EP400: variants seen among roughly 807,000 people sequenced by gnomAD.
EP400 encodes the protein E1A-binding protein p400.
In EP400, 105 loss-of-function variants were observed where a neutral mutation model predicts 354.1. The ratio of observed to expected loss-of-function variants is 0.30; its 90% confidence interval spans 0.25 to 0.35. The LOEUF (loss-of-function observed/expected upper bound fraction) is 0.35, where lower values mean the gene tolerates loss of function less well. EP400 is among the 10% of genes least tolerant of loss of function. The pLI is 1.00. For synonymous variants in EP400, 1,646 were observed against 1,716.9 expected (o/e 0.96, Z 1.02); for missense variants, 3,280 against 4,121.0 (o/e 0.80, Z 5.59).
rs552161655 is a variant in EP400 at position 131,961,834 on chromosome 12, T to C, written c.1215T>C (p.Ala405=). The change falls in exon 2 of 53, where the codon GCT becomes GCC. Residue 405 remains alanine, a synonymous_variant. Coordinates refer to ENST00000389561, the MANE Select transcript of EP400 (RefSeq NM_015409.5). The stretch of plus-strand genomic sequence containing the variant: ...AAGGGAACATGATGGATTTCTTAGC[T>C]TTCAAGAAGAAACATTATGCCCCAT... ...HFQGNMMDFL[A]FKKKHYAPLQ... is the part of the protein sequence containing the mutation. 22 of 1,614,180 alleles carry C rather than the reference T, an allele frequency of 1.4e-5. No individual in the cohort carries two copies. The African/African-American group carries it at 1.9e-4, about 14-fold the overall frequency.
chr12:131,975,390 A>G (rs1892437190), intron 2 of EP400, among the ~76,000 whole-genome samples: 2 of 152,018 alleles, frequency 1.3e-5, no homozygotes, highest in African/African-American at 4.8e-5. Flanking sequence ...CGTGGGTCTG[A>G]TTCTTGGTGC....
In EP400 at chr12:132,000,641, T is replaced by G. The variant is rs1593337710; in HGVS notation, c.2828-4436T>G. ...TATGTATTTTGAGACTATGTTAGTA[T>G]GTGCATATATAGGTTTAGAATTGTT... On this transcript the variant is annotated intron_variant, in intron 12 of 52. Coordinates refer to ENST00000389561, the MANE Select transcript of EP400 (RefSeq NM_015409.5). Among the ~76,000 whole-genome samples, 3 of 152,378 alleles carry G rather than the reference T, an allele frequency of 2.0e-5. No homozygotes were observed. In the East Asian group the frequency reaches 5.8e-4, roughly 29 times the overall value.
At chr12:131,956,415 T>G (rs1336666923) in intron 1 of EP400, among the ~76,000 whole-genome samples, 1 of 152,238 alleles carries the variant, frequency 6.6e-6, no homozygotes, top group East Asian at 1.9e-4. Flanking sequence ...GTTTTATTAC[T>G]TATTTTCCAT....
At chr12:131,981,190 CAT>C (rs1176758859) in intron 3 of EP400, among the ~76,000 whole-genome samples, 2 of 152,188 alleles carry the variant, frequency 1.3e-5, no homozygotes, top group Non-Finnish European at 2.9e-5. Flanking sequence ...TGATGCTCCT[CAT>C]GTGTGCCTGT....
At chr12:131,991,957 G>A (rs534141166) in intron 10 of EP400, among the ~76,000 whole-genome samples, 1 of 152,312 alleles carries the variant, frequency 6.6e-6, no homozygotes, top group East Asian at 1.9e-4. Flanking sequence ...TTAGTCTCAC[G>A]TGGGGTGTTA....
In EP400 at chr12:131,982,365, C is replaced by T; in HGVS notation, c.1816C>T (p.Pro606Ser). 1 of 1,614,214 alleles carries T rather than the reference C, an allele frequency of 6.2e-7. No homozygotes were observed. Among genetic ancestry groups the T allele is most frequent in the South Asian group, 1.1e-5 (1 of 91,086 alleles). Residue 606 changes from proline (P) to serine (S), a missense_variant, in exon 5 of 53, where the codon CCG becomes TCG. Physicochemically the swap from Pro to Ser is moderately conservative, Grantham distance 74. Around this residue, in one of 20 missense-constraint regions of EP400, gnomAD observed 800 missense variants for 840.0 expected, o/e 0.95. Coordinates refer to ENST00000389561, the MANE Select transcript of EP400 (RefSeq NM_015409.5). Reference protein sequence around the residue: ...TQQPNVPIPAPPSSQLPIPPS... With the variant: ...TQQPNVPIPASPSSQLPIPPS... ...GCAGCCCAATGTTCCCATCCCTGCA[C>T]CGCCCAGCAGCCAACTCCCCATCCC...
In EP400 at chr12:132,027,920, A is replaced by C; in HGVS notation, c.5110-97A>C. The C allele has an allele frequency of 4.6e-6, 6 of 1,317,472 alleles. No individual in the cohort carries two copies. Among genetic ancestry groups the C allele is most frequent in the Non-Finnish European group, 6.4e-6 (6 of 944,396 alleles). The allele number at this position is 1,317,472 out of a possible 1,614,324, so 81.6% of individuals were successfully genotyped here. ...GACCGGGGATATTGAAGTGGATCTC[A>C]TATGTGGGAAATCACGGGCTGGGTG... On this transcript the variant is annotated intron_variant, in intron 26 of 52. Coordinates refer to ENST00000389561, the MANE Select transcript of EP400 (RefSeq NM_015409.5). This position sits in a 1 kb window ranked among gnomAD's most constrained non-coding sequence, Gnocchi z 4.9.
At position 131,986,575 on chromosome 12, in the gene EP400, C is replaced by T; in HGVS notation, c.1991C>T (p.Thr664Ile). Residue 664 changes from threonine (T) to isoleucine (I), a missense_variant, in exon 6 of 53, where the codon ACC (threonine) becomes ATC (isoleucine). By Grantham distance (89) the Thr-to-Ile change is moderately conservative. Around this residue, in one of 20 missense-constraint regions of EP400, gnomAD observed 800 missense variants for 840.0 expected, o/e 0.95. Transcript: ENST00000389561. ...CCGCCCTGCCCACGGCCTCTGCCCACCTCTTCTACCTCGTCCCTCGCGCCT... is the reference window on the plus strand; with the variant it reads ...CCGCCCTGCCCACGGCCTCTGCCCATCTCTTCTACCTCGTCCCTCGCGCCT... ...PAPPCPRPLP[T>I]SSTSSLAPVS... is the part of the protein sequence containing the mutation. 1.9e-6 allele frequency: 3 copies of T among 1,614,000 alleles called. No homozygotes were observed. Among genetic ancestry groups the T allele is most frequent in the Non-Finnish European group, 2.5e-6 (3 of 1,179,962 alleles).
chr12:132,021,498 C>T (rs913749749), intron 23 of EP400, among the ~76,000 whole-genome samples, 177 bp downstream of exon 23: 5 of 152,260 alleles, frequency 3.3e-5, no homozygotes, highest in Admixed American at 6.5e-5. Context: ...GCAGGGAGCG[C>T]CTCTGTGGAG....
At chr12:131,968,875 A>G (rs1264282473) in intron 2 of EP400, among the ~76,000 whole-genome samples, 2 of 152,198 alleles carry the variant, frequency 1.3e-5, no homozygotes, top group Non-Finnish European at 2.9e-5. Context: ...GTATATAGGT[A>G]TACAGTTGAT....
At chr12:132,063,848 C>A (rs951589690) in intron 47 of EP400, among the ~76,000 whole-genome samples, 1 of 152,198 alleles carries the variant, frequency 6.6e-6, no homozygotes, top group Non-Finnish European at 1.5e-5. Context: ...GCAGCCCCCG[C>A]CTAGCCCACT....
At position 131,965,120 on chromosome 12, in the gene EP400, G is replaced by A. The variant is rs567241968; in HGVS notation, c.1335+3166G>A. Among the ~76,000 whole-genome samples the A allele has an allele frequency of 2.0e-4, 30 of 152,366 alleles. 1 individual carries two copies. Among genetic ancestry groups the A allele is most frequent in the Admixed American group, 1.8e-3 (28 of 15,304 alleles). ...TATTTTTGAGAAGATTGCTATAGAAGTAATGATATGTCCGTTTCAATGTGT... is the reference window on the plus strand; with the variant it reads ...TATTTTTGAGAAGATTGCTATAGAAATAATGATATGTCCGTTTCAATGTGT... On this transcript the variant is annotated intron_variant, in intron 2 of 52. Transcript: ENST00000389561.
intron 2 of EP400, among the ~76,000 whole-genome samples, chr12:131,977,698 C>T (rs552311712): frequency 3.9e-5 from 6 of 152,222 alleles, no homozygotes; most frequent in Non-Finnish European, 7.4e-5. Flanking sequence ...CTCTCTTTGT[C>T]CATTCCCTCT....
intron 2 of EP400, among the ~76,000 whole-genome samples, chr12:131,967,469 GT>G (rs1892140706): frequency 6.7e-6 from 1 of 150,098 alleles, no homozygotes; most frequent in Admixed American, 6.6e-5. Context: ...TGGCAGATCA[GT>G]TGAGGCCAGG....
At chr12:132,043,486 A>G in intron 33 of EP400, 24 bp downstream of exon 33, 1 of 1,601,174 alleles carries the variant, frequency 6.2e-7, no homozygotes, top group Non-Finnish European at 8.5e-7. Flanking sequence ...TTCCTTTACA[A>G]CTACATATTT....
chr12:132,043,434 TAGA>T lies in EP400; in HGVS notation c.6339_6341del (p.Glu2115del), dbSNP rs774746924. The T allele has an allele frequency of 6.2e-7, 1 of 1,613,116 alleles. No homozygotes were observed. Among genetic ancestry groups the T allele is most frequent in the Non-Finnish European group, 8.5e-7 (1 of 1,180,020 alleles). On this transcript the variant is annotated inframe_deletion, in exon 33 of 53. Transcript: ENST00000389561. ...CCGTGTGATGAAGAACCATCCCAAT[TAGA>T]GGAGCTAGCTGACTTCATGGAGCAG...
At chr12:131,954,310 G>C (rs1263743868) in intron 1 of EP400, among the ~76,000 whole-genome samples, 1 of 152,156 alleles carries the variant, frequency 6.6e-6, no homozygotes, top group Non-Finnish European at 1.5e-5. Flanking sequence ...GGCCAGGCCA[G>C]GTGTGGTGGC....
chr12:131,962,833 C>T (rs1891938946), intron 2 of EP400, among the ~76,000 whole-genome samples: 1 of 152,190 alleles, frequency 6.6e-6, no homozygotes, highest in Non-Finnish European at 1.5e-5. Flanking sequence ...TTTTATGATA[C>T]AGTTAAAATA....
In EP400 at chr12:131,987,690, A is replaced by G; in HGVS notation, c.2224-15A>G. On this transcript the variant is annotated splice_polypyrimidine_tract_variant and intron_variant, in intron 6 of 52. Coordinates refer to ENST00000389561, the MANE Select transcript of EP400 (RefSeq NM_015409.5). ...TCACATGCCGACCCCACCATCCCCC[A>G]TGTATCATCTACAGGAGAACCAGGT... is the stretch of plus-strand genomic sequence containing the variant. 1 of 1,576,732 alleles carries G rather than the reference A, an allele frequency of 6.3e-7. No homozygotes were observed. Among genetic ancestry groups the G allele is most frequent in the Non-Finnish European group, 8.6e-7 (1 of 1,159,640 alleles).
Sources: allele counts gnomAD v4.1 joint callset (sites outside exome capture counted in the v4.1 genomes callset), GRCh38; gene constraint gnomAD v4.1.1; regional missense constraint gnomAD v4.1.1; non-coding constraint Gnocchi (gnomAD v3.1); transcripts MANE v1.5; gene names NCBI Gene and HGNC (gene_info 2026-07-23, HGNC 2026-07-21).